The following SIL1 variants were observed in gnomAD, a reference collection of about 807,000 sequenced individuals.
The protein encoded by SIL1 is nucleotide exchange factor SIL1.
A neutral mutation model predicts 49.1 loss-of-function variants in SIL1; 40 were observed. The ratio of observed to expected loss-of-function variants is 0.81; its 90% confidence interval spans 0.63 to 1.06. SIL1 has a LOEUF of 1.06. Among genes scored for constraint, SIL1 ranks in the 50% least tolerant of loss-of-function variants. The pLI, the probability that SIL1 is intolerant of heterozygous loss-of-function variation, is 0.00. For synonymous variants in SIL1, 253 were observed against 250.8 expected, an observed-to-expected ratio of 1.01 and a Z score of -0.08; for missense variants, 500 against 572.6, an observed-to-expected ratio of 0.87 and a Z score of 1.29.
intron 1 of SIL1, among the ~76,000 whole-genome samples, chr5:139,177,565 G>T (rs370464018): frequency 2.9e-4 from 44 of 152,156 alleles, no homozygotes; most frequent in African/African-American, 1.0e-3. Flanking sequence ...ACTAAAGTCA[G>T]CCCCAGTCCA....
intron 3 of SIL1, among the ~76,000 whole-genome samples, chr5:139,106,777 A>G (rs988153581): frequency 1.9e-4 from 29 of 152,264 alleles, no homozygotes; most frequent in African/African-American, 7.0e-4. Flanking sequence ...TAAGAAAAGC[A>G]CATGTACCTT....
rs188916585 is a variant in SIL1 at position 139,015,164 on chromosome 5, G to C, written c.767+6007C>G. On this transcript the variant is annotated intron_variant, in intron 7 of 9. Coordinates refer to ENST00000394817, the MANE Select transcript of SIL1 (RefSeq NM_022464.5). ...TGTATTCATTCAATAATTATTTCCTGAGCACCCACCCAATACTAGGTCCTA... is the reference window on the plus strand; with the variant it reads ...TGTATTCATTCAATAATTATTTCCTCAGCACCCACCCAATACTAGGTCCTA... 4.7e-4 allele frequency among the ~76,000 whole-genome samples: 71 copies of C among 152,098 alleles called. No individual in the cohort carries two copies. The East Asian group carries it at 0.013, about 27-fold the overall frequency.
rs1487427029 is a variant in SIL1, at chr5:139,112,704, G to A, written c.244+8331C>T. ...TGGCGGGCGCCTCCGCCCGGCCGCC[G>A]CCCCGTGCGGGAGGTGGGGGGCGCC... is the stretch of plus-strand genomic sequence containing the variant. On this transcript the variant is annotated intron_variant, in intron 3 of 9. Transcript: ENST00000394817. 1.3e-4 allele frequency among the ~76,000 whole-genome samples: 18 copies of A among 137,050 alleles called. No homozygotes were observed. In the East Asian group the frequency reaches 4.1e-3, roughly 31 times the overall value. 89.9% of individuals were successfully genotyped at this position (137,050 alleles called of 152,430 possible).
At chr5:138,949,524 G>A (rs1054100660) in intron 9 of SIL1, among the ~76,000 whole-genome samples, 9 of 152,078 alleles carry the variant, frequency 5.9e-5, no homozygotes, top group Non-Finnish European at 8.8e-5. Context: ...ATTCTTAAGC[G>A]CTGCAAGAGG....
intron 3 of SIL1, among the ~76,000 whole-genome samples, chr5:139,106,815 C>T (rs6894907): frequency 0.45 from 69,135 of 152,130 alleles, 16,155 homozygotes; most frequent in African/African-American, 0.54. Context: ...AAGCAAAATA[C>T]CTGCTTTGTG....
At chr5:139,023,226 GC>G (rs911275395) in intron 6 of SIL1, among the ~76,000 whole-genome samples, 1 of 151,558 alleles carries the variant, frequency 6.6e-6, no homozygotes, top group Admixed American at 6.6e-5. Context: ...CAAAAGCTGG[GC>G]CCCCCCCTGG....
rs1278977216 is a variant in SIL1 at position 139,021,254 on chromosome 5, A to C, written c.684T>G (p.Leu228=). 10 of 1,614,166 alleles carry C rather than the reference A, an allele frequency of 6.2e-6. No individual in the cohort carries two copies. Among genetic ancestry groups the C allele is most frequent in the Non-Finnish European group, 7.6e-6 (9 of 1,180,022 alleles). ...NAQDLLSFGG[L]QVVINGLNST... is the part of the protein sequence containing the mutation. ...TGTTCAGCCCATTGATCACCACTTG[A>C]AGACCACCAAAGGAAAGCAGGTCCT... The change falls in exon 7 of 10, where the codon CTT becomes CTG. Residue 228 remains leucine, a synonymous_variant. Transcript: ENST00000394817.
Position 139,031,718 on chromosome 5 carries a change from G to A in SIL1, c.454-4726C>T, listed in dbSNP as rs114643982. Reference sequence around the variant, plus strand: ...AGTTAACATTTTTACTATGTTGAATGTTTCAATCCATGGACACAGTGTGTC... The same window carrying A: ...AGTTAACATTTTTACTATGTTGAATATTTCAATCCATGGACACAGTGTGTC... On this transcript the variant is annotated intron_variant, in intron 5 of 9. Transcript: ENST00000394817. 8.7e-4 allele frequency among the ~76,000 whole-genome samples: 132 copies of A among 152,262 alleles called. 1 individual carries two copies. Among genetic ancestry groups the A allele is most frequent in the African/African-American group, 3.0e-3 (126 of 41,558 alleles).
intron 1 of SIL1, among the ~76,000 whole-genome samples, chr5:139,178,219 A>G (rs191755941): frequency 6.6e-6 from 1 of 152,358 alleles, no homozygotes; most frequent in Admixed American, 6.5e-5. Flanking sequence ...GAACAAGGCC[A>G]CACTAAAGGA....
At chr5:139,169,454 A>G (rs563191775) in intron 1 of SIL1, among the ~76,000 whole-genome samples, 32 of 150,058 alleles carry the variant, frequency 2.1e-4, no homozygotes, top group African/African-American at 7.1e-4. Flanking sequence ...GTGTGTGTGT[A>G]TGTGTGTGTG....
intron 7 of SIL1, among the ~76,000 whole-genome samples, chr5:139,008,015 G>A (rs1195928651): frequency 6.6e-6 from 1 of 151,966 alleles, no homozygotes; most frequent in Non-Finnish European, 1.5e-5. Flanking sequence ...TCTATTGATT[G>A]GAATAGTTTC....
intron 3 of SIL1, among the ~76,000 whole-genome samples, chr5:139,070,023 G>T (rs537694214): frequency 5.5e-4 from 84 of 152,048 alleles, no homozygotes; most frequent in Non-Finnish European, 1.0e-3. Context: ...AAGTAAGACC[G>T]GCGGTAAACA....
chr5:138,997,928 T>C (rs1329172104), intron 7 of SIL1, among the ~76,000 whole-genome samples: 1 of 152,220 alleles, frequency 6.6e-6, no homozygotes, highest in African/African-American at 2.4e-5. Flanking sequence ...TGAGGATTGC[T>C]TTGGCTATCT....
intron 1 of SIL1, among the ~76,000 whole-genome samples, chr5:139,148,357 G>A (rs1486944466): frequency 6.6e-6 from 1 of 152,170 alleles, no homozygotes; most frequent in Non-Finnish European, 1.5e-5. Flanking sequence ...TCCTAGGCTG[G>A]AACTTGCAAA....
chr5:139,159,753 A>G (rs1471614312), intron 1 of SIL1, among the ~76,000 whole-genome samples: 2 of 152,208 alleles, frequency 1.3e-5, no homozygotes, highest in Non-Finnish European at 2.9e-5. Flanking sequence ...ACAGCAGTAT[A>G]TTAGTCCATC....
chr5:139,080,162 T>G (rs2151769948), intron 3 of SIL1, among the ~76,000 whole-genome samples: 1 of 152,350 alleles, frequency 6.6e-6, no homozygotes, highest in East Asian at 1.9e-4. Flanking sequence ...ACTTGCTGGA[T>G]ACAGATTTTA....
At chr5:139,157,627 A>C (rs1264376345) in intron 1 of SIL1, among the ~76,000 whole-genome samples, 2 of 152,236 alleles carry the variant, frequency 1.3e-5, no homozygotes, top group Non-Finnish European at 2.9e-5. Context: ...TATTCTGACA[A>C]GTGTGCTTCA....
At position 139,120,868 on chromosome 5, in the gene SIL1, C is replaced by T. The variant is rs369125389; in HGVS notation, c.244+167G>A. Among the ~76,000 whole-genome samples the T allele has an allele frequency of 4.6e-5, 7 of 152,186 alleles. No homozygotes were observed. In the South Asian group the frequency reaches 1.0e-3, roughly 22 times the overall value. On this transcript the variant is annotated intron_variant, in intron 3 of 9. Coordinates refer to ENST00000394817, the MANE Select transcript of SIL1 (RefSeq NM_022464.5). The stretch of plus-strand genomic sequence containing the variant: ...CTGCAATCTCTGTTCTGCTGGAAAA[C>T]GAAGGTCCCTGAGCCCTGCAGCAGC...
intron 1 of SIL1, among the ~76,000 whole-genome samples, chr5:139,193,526 C>G (rs1034673925): frequency 2.0e-5 from 3 of 152,244 alleles, no homozygotes; most frequent in Middle Eastern, 3.4e-3. Flanking sequence ...AGAGATCACA[C>G]CACTGCACTC....
Sources: allele counts gnomAD v4.1 joint callset (sites outside exome capture counted in the v4.1 genomes callset), GRCh38; gene constraint gnomAD v4.1.1; transcripts MANE v1.5; gene names NCBI Gene and HGNC (gene_info 2026-07-23, HGNC 2026-07-21).